The following NEO1 variants were observed in gnomAD, a reference collection of about 807,000 sequenced individuals.
NEO1 encodes neogenin 1, also known as neogenin.
In NEO1, 63 loss-of-function variants were observed where a neutral mutation model predicts 159.7. The ratio of observed to expected loss-of-function variants is 0.39; its 90% CI spans 0.32 to 0.49. The LOEUF (loss-of-function observed/expected upper bound fraction) is 0.49, where lower values mean the gene tolerates loss of function less well. NEO1 is among the 20% of genes least tolerant of loss of function. The pLI is 0.85. For synonymous variants in NEO1, 633 were observed against 662.0 expected, an observed-to-expected ratio of 0.96 and a Z score of 0.67; for missense variants, 1,615 against 1,831.0, an observed-to-expected ratio of 0.88 and a Z score of 2.15.
intron 9 of NEO1, among the ~76,000 whole-genome samples, chr15:73,245,741 A>AT (rs376932162): frequency 0.31 from 44,933 of 145,028 alleles, 8,179 homozygotes; most frequent in Admixed American, 0.44. Flanking sequence ...TGCCTAGCTA[A>AT]TTTTTTTTTT....
chr15:73,065,958 T>A (rs146659829), intron 1 of NEO1, among the ~76,000 whole-genome samples: 3 of 152,190 alleles, frequency 2.0e-5, no homozygotes, highest in Non-Finnish European at 2.9e-5. Context: ...GAGGCAGCAC[T>A]CTCTATATTG....
At chr15:73,271,275 A>G (rs1245471540) in intron 18 of NEO1, among the ~76,000 whole-genome samples, 4 of 152,206 alleles carry the variant, frequency 2.6e-5, no homozygotes, top group East Asian at 3.9e-4. Flanking sequence ...TTTTACTTCA[A>G]TCCTAACCCA....
Position 73,249,720 on chromosome 15 carries a change from T to C in NEO1, c.1893T>C (p.Asp631=). 1.2e-6 allele frequency: 2 copies of C among 1,608,206 alleles called. No individual in the cohort carries two copies. Among genetic ancestry groups the C allele is most frequent in the East Asian group, 4.5e-5 (2 of 44,846 alleles). Residue 631 remains aspartate (D), a splice_region_variant and synonymous_variant, in exon 11 of 29, where the codon GAT becomes GAC. Transcript: ENST00000261908. ...TPDVAVRTLS[D]VPSAAPQNLS... is the part of the protein sequence containing the mutation. The stretch of plus-strand genomic sequence containing the variant: ...ATGTTGCTGTTCGAACATTGTCAGA[T>C]GGTGAGTCTTTCTTCCTCTGGAACG...
At chr15:73,165,173 A>C (rs180738232) in intron 5 of NEO1, among the ~76,000 whole-genome samples, 1 of 148,244 alleles carries the variant, frequency 6.7e-6, no homozygotes, top group Non-Finnish European at 1.5e-5. Flanking sequence ...AAAACAAGTT[A>C]AGTGTGTGTG....
intron 7 of NEO1, among the ~76,000 whole-genome samples, chr15:73,229,464 T>C (rs1814606257): frequency 6.6e-6 from 1 of 151,310 alleles, no homozygotes. Flanking sequence ...TTTTTTTTTT[T>C]CAGTAGATTC....
intron 7 of NEO1, among the ~76,000 whole-genome samples, chr15:73,216,103 C>T (rs1430405279): frequency 6.8e-6 from 1 of 147,064 alleles, no homozygotes; most frequent in South Asian, 2.2e-4. Context: ...CCACAACAGT[C>T]CCCAGAGTGT....
intron 7 of NEO1, among the ~76,000 whole-genome samples, chr15:73,231,549 A>G (rs946290353): frequency 2.0e-5 from 3 of 152,150 alleles, no homozygotes; most frequent in African/African-American, 4.8e-5. Flanking sequence ...CCTGGGCAAC[A>G]TGGTGAAACC....
At chr15:73,130,598 TC>T (rs1348661347) in intron 4 of NEO1, among the ~76,000 whole-genome samples, 1 of 152,148 alleles carries the variant, frequency 6.6e-6, no homozygotes, top group Non-Finnish European at 1.5e-5. Flanking sequence ...CTTCCACCCT[TC>T]CCAGGTTGTA....
intron 15 of NEO1, among the ~76,000 whole-genome samples, chr15:73,265,981 T>C (rs574468815): frequency 1.3e-5 from 2 of 152,362 alleles, no homozygotes; most frequent in East Asian, 3.9e-4. Flanking sequence ...GCTCCATCTA[T>C]AGACTTCAGC....
intron 7 of NEO1, among the ~76,000 whole-genome samples, chr15:73,218,434 G>C (rs1446083270): frequency 6.6e-6 from 1 of 151,914 alleles, no homozygotes; most frequent in Non-Finnish European, 1.5e-5. Flanking sequence ...GATGATGCTG[G>C]CCTCATAAAA....
chr15:73,183,047 G>A (rs536808095), intron 7 of NEO1, among the ~76,000 whole-genome samples: 1 of 152,140 alleles, frequency 6.6e-6, no homozygotes, highest in South Asian at 2.1e-4. Flanking sequence ...TGGAATGTCT[G>A]GGGGCCTCAG....
At chr15:73,070,116 C>T (rs1309991657) in intron 1 of NEO1, among the ~76,000 whole-genome samples, 1 of 152,114 alleles carries the variant, frequency 6.6e-6, no homozygotes, top group Non-Finnish European at 1.5e-5. Context: ...ATTTTATATC[C>T]AACAAGAATA....
chr15:73,093,296 T>C (rs912552373), intron 1 of NEO1, among the ~76,000 whole-genome samples: 4 of 152,224 alleles, frequency 2.6e-5, no homozygotes, highest in Non-Finnish European at 4.4e-5. Flanking sequence ...TAAAGTCACC[T>C]ACCTTTTTCC....
chr15:73,244,175 C>T (rs2039631512), intron 8 of NEO1, among the ~76,000 whole-genome samples, 169 bp from the exon 9 acceptor site: 3 of 152,182 alleles, frequency 2.0e-5, no homozygotes, highest in Admixed American at 2.0e-4. Flanking sequence ...TGCCCTTGCT[C>T]TTTTGCCAGT....
intron 3 of NEO1, 79 bp downstream of exon 3, chr15:73,122,879 A>G (rs1167866707): frequency 6.4e-7 from 1 of 1,551,656 alleles, no homozygotes; most frequent in Non-Finnish European, 8.8e-7. Flanking sequence ...TTTAAAAATA[A>G]TGAATGTTGG....
chr15:73,248,192 T>C (rs1290523124), intron 9 of NEO1, among the ~76,000 whole-genome samples: 1 of 152,206 alleles, frequency 6.6e-6, no homozygotes, highest in Non-Finnish European at 1.5e-5. Context: ...GGTAGCTGTT[T>C]TACAATTATT....
chr15:73,229,788 T>C (rs2038804914), intron 7 of NEO1, among the ~76,000 whole-genome samples: 1 of 152,182 alleles, frequency 6.6e-6, no homozygotes, highest in Non-Finnish European at 1.5e-5. Flanking sequence ...TTTCTGTGTC[T>C]AGTGAGATAA....
chr15:73,223,166 T>C (rs2038385568), intron 7 of NEO1, among the ~76,000 whole-genome samples: 1 of 152,232 alleles, frequency 6.6e-6, no homozygotes, highest in African/African-American at 2.4e-5. Flanking sequence ...GTGCTTGATA[T>C]AATTTCAGTT....
chr15:73,278,083 C>A lies in NEO1; in HGVS notation c.3194-48C>A, dbSNP rs745532894. On this transcript the variant is annotated intron_variant, in intron 21 of 28. Transcript: ENST00000261908. The stretch of plus-strand genomic sequence containing the variant: ...ACTCCCTAGCTATGAAGTGGACTGT[C>A]ACGCCAAATGTGTGGGGTCATTATT... 2.6e-6 allele frequency: 4 copies of A among 1,542,356 alleles called. No individual in the cohort carries two copies. In the East Asian group the frequency reaches 9.1e-5, roughly 35 times the overall value.
Sources: allele counts gnomAD v4.1 joint callset (sites outside exome capture counted in the v4.1 genomes callset), GRCh38; gene constraint gnomAD v4.1.1; transcripts MANE v1.5; gene names NCBI Gene and HGNC (gene_info 2026-07-23, HGNC 2026-07-21).